Variants in STPG2 observed in about 807,000 individuals in gnomAD.
The protein encoded by STPG2 is sperm-tail PG-rich repeat-containing protein 2.
Under a neutral mutation model 54.2 loss-of-function variants are expected in STPG2, and 56 were observed. The observed-to-expected ratio is 1.03, with a 90% CI of 0.83 to 1.29. The LOEUF is 1.29. STPG2 is among the 50% of genes most tolerant of loss of function. The pLI is 0.00. For synonymous variants in STPG2, 200 were observed against 181.8 expected (o/e 1.10, Z -0.81); for missense variants, 596 against 544.9 (o/e 1.09, Z -0.93).
intron 10 of STPG2, among the ~76,000 whole-genome samples, chr4:97,644,736 G>T (rs72617712): frequency 0.05 from 7,596 of 152,016 alleles, 293 homozygotes; most frequent in Admixed American, 0.13. Flanking sequence ...TTCATTTTAA[G>T]AACAACCAAA....
chr4:97,694,773 AC>A (rs1224405681), intron 10 of STPG2, among the ~76,000 whole-genome samples: 20 of 134,636 alleles, frequency 1.5e-4, no homozygotes, highest in Non-Finnish European at 1.6e-5. Flanking sequence ...AGATCATGCC[AC>A]TGTACTCCAG....
intron 10 of STPG2, among the ~76,000 whole-genome samples, chr4:97,666,003 C>T (rs553585584): frequency 6.6e-6 from 1 of 152,252 alleles, no homozygotes; most frequent in Non-Finnish European, 1.5e-5. Context: ...GGAGGCCTTC[C>T]TGGGCTCCCA....
intron 9 of STPG2, among the ~76,000 whole-genome samples, chr4:97,746,055 C>T (rs184818666): frequency 6.6e-6 from 1 of 151,170 alleles, no homozygotes; most frequent in East Asian, 1.9e-4. Context: ...AACGTTATAA[C>T]CTTTACATCA....
chr4:97,495,347 C>T, intron 4 of STPG2, among the ~76,000 whole-genome samples: 1 of 151,292 alleles, frequency 6.6e-6, no homozygotes. Flanking sequence ...TATCTAAAAA[C>T]ACAAGACATC....
chr4:97,667,849 A>G (rs1383673773), intron 10 of STPG2, among the ~76,000 whole-genome samples: 1 of 152,184 alleles, frequency 6.6e-6, no homozygotes, highest in African/African-American at 2.4e-5. Flanking sequence ...TTAATTACTT[A>G]ATGAATCGTG....
At chr4:97,490,348 T>C (rs1415734176) in intron 4 of STPG2, among the ~76,000 whole-genome samples, 1 of 151,566 alleles carries the variant, frequency 6.6e-6, no homozygotes, top group East Asian at 1.9e-4. Flanking sequence ...GTCTTCTTTC[T>C]ACTTAACCTC....
chr4:97,852,042 C>T (rs1729175774), intron 8 of STPG2, among the ~76,000 whole-genome samples: 2 of 152,108 alleles, frequency 1.3e-5, no homozygotes, highest in Non-Finnish European at 1.5e-5. Context: ...AATGTAAAGA[C>T]AGAGAAATTC....
chr4:97,883,537 G>C (rs1426110559), intron 8 of STPG2, among the ~76,000 whole-genome samples: 5 of 152,070 alleles, frequency 3.3e-5, no homozygotes, highest in Non-Finnish European at 7.4e-5. Context: ...TGAATGGACA[G>C]ATGAAGAATT....
intron 7 of STPG2, among the ~76,000 whole-genome samples, chr4:97,965,212 C>T (rs1393872589): frequency 5.3e-5 from 8 of 152,194 alleles, no homozygotes; most frequent in Admixed American, 5.2e-4. Flanking sequence ...TCGATGGGTC[C>T]CATGCCCACA....
intron 4 of STPG2, among the ~76,000 whole-genome samples, chr4:97,482,432 T>C (rs1730245699): frequency 6.6e-6 from 1 of 151,482 alleles, no homozygotes; most frequent in Admixed American, 6.6e-5. Flanking sequence ...GTCTAAGAAA[T>C]AGAATTGAAT....
chr4:97,543,328 G>A (rs935811534), intron 4 of STPG2, among the ~76,000 whole-genome samples: 13 of 151,670 alleles, frequency 8.6e-5, no homozygotes, highest in African/African-American at 2.4e-4. Flanking sequence ...ATTACTTGTA[G>A]TTTAGAAATA....
At chr4:98,133,121 A>T (rs1482585516) in intron 2 of STPG2, among the ~76,000 whole-genome samples, 1 of 152,046 alleles carries the variant, frequency 6.6e-6, no homozygotes, top group East Asian at 1.9e-4. Flanking sequence ...AATTTTAAAC[A>T]TTGTTTATTA....
chr4:97,794,230 T>A (rs912382151), intron 9 of STPG2, among the ~76,000 whole-genome samples: 1 of 152,144 alleles, frequency 6.6e-6, no homozygotes, highest in Non-Finnish European at 1.5e-5. Flanking sequence ...ATCTTTGCAT[T>A]TCTTAGAATT....
intron 9 of STPG2, among the ~76,000 whole-genome samples, chr4:97,732,385 T>A (rs1182807941): frequency 3.3e-5 from 5 of 152,198 alleles, no homozygotes; most frequent in Non-Finnish European, 7.3e-5. Flanking sequence ...AGCGATCCAG[T>A]TTCATTCGTC....
At chr4:97,972,470 A>G in intron 6 of STPG2, 30 bp from the exon 7 acceptor site, 1 of 1,320,290 alleles carries the variant, frequency 7.6e-7, no homozygotes, top group Non-Finnish European at 1.0e-6. Context: ...CATATATAAG[A>G]ATAAGCATGC....
intron 10 of STPG2, among the ~76,000 whole-genome samples, chr4:97,589,039 C>A (rs1560674396): frequency 6.6e-6 from 1 of 152,030 alleles, no homozygotes. Context: ...TAAACCACTG[C>A]AGTCTGATTC....
chr4:97,909,460 G>A (rs1371714811), intron 8 of STPG2, among the ~76,000 whole-genome samples: 1 of 152,100 alleles, frequency 6.6e-6, no homozygotes, highest in Non-Finnish European at 1.5e-5. Flanking sequence ...CCAACTTTAT[G>A]TGGTGACCAT....
chr4:97,697,710 A>G (rs896489895), intron 10 of STPG2, among the ~76,000 whole-genome samples: 1 of 152,186 alleles, frequency 6.6e-6, no homozygotes, highest in Admixed American at 6.6e-5. Flanking sequence ...CGTGATGGCT[A>G]TGACACCCAT....
At chr4:97,935,154 T>C (rs1368590629) in intron 8 of STPG2, among the ~76,000 whole-genome samples, 4 of 152,222 alleles carry the variant, frequency 2.6e-5, no homozygotes, top group Non-Finnish European at 4.4e-5. Context: ...GAGGTGTTTA[T>C]AGTATTATCT....
Sources: allele counts gnomAD v4.1 joint callset (sites outside exome capture counted in the v4.1 genomes callset), GRCh38; gene constraint gnomAD v4.1.1; transcripts MANE v1.5; gene names NCBI Gene and HGNC (gene_info 2026-07-23, HGNC 2026-07-21).